The following MRTFB variants were observed in gnomAD, a reference collection of about 807,000 sequenced individuals.
MRTFB encodes myocardin-related transcription factor B.
A neutral mutation model predicts 104.2 loss-of-function variants in MRTFB; 29 were observed. That is an observed-to-expected ratio of 0.28 (90% confidence interval 0.21 to 0.38). The LOEUF is 0.38. Ranked by LOEUF, MRTFB falls within the 10% of genes least tolerant of loss-of-function variation. MRTFB has a pLI of 1.00. For synonymous variants in MRTFB, 535 were observed against 519.5 expected, an observed-to-expected ratio of 1.03 and a Z score of -0.41; for missense variants, 1,270 against 1,341.6, an observed-to-expected ratio of 0.95 and a Z score of 0.83.
the MRTFB span, among the ~76,000 whole-genome samples, chr16:14,050,162 CAG>C: frequency 2.6e-4 from 38 of 145,868 alleles, no homozygotes; most frequent in African/African-American, 9.9e-4. Flanking sequence ...GACAGACAGA[CAG>C]ACACACACAC....
intron 2 of MRTFB, among the ~76,000 whole-genome samples, chr16:14,102,014 A>G (rs1321415051): frequency 6.6e-6 from 1 of 152,186 alleles, no homozygotes; most frequent in African/African-American, 2.4e-5. Context: ...AGAGGCACTA[A>G]TGGGACTGGT....
At chr16:14,260,750 C>G (rs2043739157) in intron 16 of MRTFB, among the ~76,000 whole-genome samples, 159 bp from the exon 17 acceptor site, 2 of 152,178 alleles carry the variant, frequency 1.3e-5, no homozygotes, top group Admixed American at 1.3e-4. Flanking sequence ...TAAAGGTTGT[C>G]AAGGATTGTA....
chr16:14,084,640 T>G (rs1053652076), intron 2 of MRTFB, among the ~76,000 whole-genome samples: 1 of 152,246 alleles, frequency 6.6e-6, no homozygotes, highest in African/African-American at 2.4e-5. Context: ...GAATATGACT[T>G]ACAAACTTGG....
At chr16:14,116,794 G>T (rs948661882) in intron 2 of MRTFB, among the ~76,000 whole-genome samples, 3 of 152,126 alleles carry the variant, frequency 2.0e-5, no homozygotes, top group Admixed American at 6.5e-5. Flanking sequence ...TCCAGACATT[G>T]TCAAACATCC....
At chr16:14,124,642 G>A (rs891199264) in intron 2 of MRTFB, among the ~76,000 whole-genome samples, 1 of 152,178 alleles carries the variant, frequency 6.6e-6, no homozygotes, top group African/African-American at 2.4e-5. Context: ...GCTTTTTGAT[G>A]TGCTGCTGGA....
intron 6 of MRTFB, among the ~76,000 whole-genome samples, chr16:14,214,523 G>A (rs2041332869): frequency 6.6e-6 from 1 of 152,184 alleles, no homozygotes; most frequent in South Asian, 2.1e-4. Context: ...GGTCTGACAT[G>A]TCCAGAAATG....
intron 2 of MRTFB, among the ~76,000 whole-genome samples, chr16:14,093,606 T>G (rs2035205190): frequency 6.6e-6 from 1 of 152,304 alleles, no homozygotes; most frequent in African/African-American, 2.4e-5. Flanking sequence ...AAAAACAGAT[T>G]TTCATTTGAA....
chr16:14,190,954 A>G (rs889975866), intron 3 of MRTFB, among the ~76,000 whole-genome samples: 19 of 152,242 alleles, frequency 1.2e-4, no homozygotes, highest in Non-Finnish European at 1.2e-4. Context: ...CCAGCCAGCA[A>G]TGCAGTAAAT....
chr16:14,242,940 G>T (rs911468079), intron 10 of MRTFB, among the ~76,000 whole-genome samples: 2 of 151,894 alleles, frequency 1.3e-5, no homozygotes, highest in African/African-American at 4.8e-5. Flanking sequence ...GGAAGCAAAA[G>T]GTGGCTCAGC....
At chr16:14,173,344 C>T (rs531595545) in intron 3 of MRTFB, among the ~76,000 whole-genome samples, 2 of 152,282 alleles carry the variant, frequency 1.3e-5, no homozygotes, top group East Asian at 3.9e-4. Flanking sequence ...TATCCAAGAC[C>T]AAGGACTGTC....
the MRTFB span, chr16:14,016,049 C>G: frequency 1.3e-5 from 5 of 398,370 alleles, no homozygotes; most frequent in Non-Finnish European, 2.2e-5. Context: ...TGTCAGTACC[C>G]CAGGATCAAG....
the MRTFB span, among the ~76,000 whole-genome samples, chr16:14,051,548 C>A: frequency 5.9e-5 from 9 of 152,118 alleles, no homozygotes; most frequent in East Asian, 7.7e-4. Flanking sequence ...TAAAGACACA[C>A]ACAGACAGTA....
At chr16:14,161,654 G>A (rs898638390) in intron 3 of MRTFB, among the ~76,000 whole-genome samples, 5 of 152,018 alleles carry the variant, frequency 3.3e-5, no homozygotes, top group African/African-American at 7.2e-5. Context: ...AAATCAACTC[G>A]TCCAGTAAGA....
intron 12 of MRTFB, chr16:14,247,834 A>G (rs2043089262): frequency 7.4e-6 from 2 of 269,948 alleles, no homozygotes; most frequent in African/African-American, 2.2e-5. Context: ...GGCAAGGCAC[A>G]GCATCTAGTA....
chr16:14,174,937 C>A (rs2039534067), intron 3 of MRTFB, among the ~76,000 whole-genome samples: 1 of 151,994 alleles, frequency 6.6e-6, no homozygotes, highest in African/African-American at 2.4e-5. Context: ...TTTTGGTTTT[C>A]TTTATTTCTT....
chr16:14,162,152 CAAAAA>C (rs376183467), intron 3 of MRTFB, among the ~76,000 whole-genome samples: 5,105 of 62,668 alleles, frequency 0.081, 260 homozygotes, highest in African/African-American at 0.21. Context: ...CCTGTCTCTA[CAAAAA>C]AAAAAAAAAA....
chr16:14,086,900 G>C (rs1228279580), intron 2 of MRTFB, among the ~76,000 whole-genome samples: 1 of 152,154 alleles, frequency 6.6e-6, no homozygotes, highest in African/African-American at 2.4e-5. Flanking sequence ...CATCTTTAAT[G>C]ACTTGGATTT....
intron 3 of MRTFB, among the ~76,000 whole-genome samples, chr16:14,166,342 A>C (rs553131217): frequency 6.7e-6 from 1 of 150,006 alleles, no homozygotes; most frequent in African/African-American, 2.5e-5. Context: ...ACCTTTTTTT[A>C]TACTTCATTT....
the MRTFB span, among the ~76,000 whole-genome samples, chr16:14,060,965 T>G: frequency 6.5e-3 from 984 of 152,008 alleles, 12 homozygotes; most frequent in African/African-American, 0.022. Flanking sequence ...GCTAACACAG[T>G]GAAACCCTGT....
Sources: gnomAD v4.1 joint callset for allele counts (sites outside exome capture counted in the v4.1 genomes callset) on GRCh38, gnomAD v4.1.1 for gene constraint, MANE v1.5 for transcripts, NCBI Gene and HGNC (gene_info 2026-07-23, HGNC 2026-07-21) for gene names.